HECW1: variants seen among roughly 807,000 people sequenced by gnomAD.
HECW1 encodes the protein HECT, C2 and WW domain containing E3 ubiquitin protein ligase 1, also known as E3 ubiquitin-protein ligase HECW1.
In HECW1, 61 loss-of-function variants were observed where a neutral mutation model predicts 182.3. That is an observed-to-expected ratio of 0.33 (90% CI 0.27 to 0.41). The LOEUF is 0.41. HECW1 is among the 10% of genes least tolerant of loss of function. HECW1 has a pLI of 1.00. For synonymous variants in HECW1, 859 were observed against 832.6 expected (o/e 1.03, Z -0.55); for missense variants, 1,739 against 2,108.9 (o/e 0.82, Z 3.44).
At chr7:43,351,716 A>G (rs1219221026) in intron 5 of HECW1, among the ~76,000 whole-genome samples, 2 of 97,662 alleles carry the variant, frequency 2.0e-5, no homozygotes, top group Non-Finnish European at 4.0e-5. Flanking sequence ...TTGTCTTTGC[A>G]TGTGCTTGGT....
intron 7 of HECW1, among the ~76,000 whole-genome samples, chr7:43,403,740 G>A (rs779598485): frequency 1.3e-5 from 2 of 152,138 alleles, no homozygotes; most frequent in Non-Finnish European, 2.9e-5. Flanking sequence ...TGAATATGCA[G>A]TATGTTCTCA....
Position 43,550,363 on chromosome 7 carries a change from G to A in HECW1, c.4249-82G>A, listed in dbSNP as rs541066379. ...GCCCTGTAGAGGATTTTTGGCATAC[G>A]GTCATCCCCCTAAAATCAGTGTGCC... On this transcript the variant is annotated intron_variant, in intron 26 of 29. Transcript: ENST00000395891. 5.0e-4 allele frequency: 755 copies of A among 1,499,114 alleles called. 2 individuals are homozygous for A. The highest frequency in any genetic ancestry group is 7.8e-4 in the Admixed American group (44 of 56,688). 92.9% of individuals were successfully genotyped at this position (1,499,114 alleles called of 1,614,324 possible).
At chr7:43,319,393 C>CAAAACAAAAAAAAAA (rs1809760140) in intron 4 of HECW1, among the ~76,000 whole-genome samples, 1 of 67,698 alleles carries the variant, frequency 1.5e-5, no homozygotes, top group African/African-American at 4.1e-5. Context: ...GACTCCGTCT[C>CAAAACAAAAAAAAAA]AAAAAAAAAA....
intron 6 of HECW1, among the ~76,000 whole-genome samples, chr7:43,381,013 T>C (rs2074528923): frequency 6.6e-6 from 1 of 152,194 alleles, no homozygotes. Context: ...GATATTGTCT[T>C]TTTATTTTTA....
intron 3 of HECW1, among the ~76,000 whole-genome samples, chr7:43,288,999 C>T (rs1028203248): frequency 6.6e-6 from 1 of 152,254 alleles, no homozygotes; most frequent in East Asian, 1.9e-4. Context: ...GTCTCTTTAA[C>T]TCACCAATTT....
intron 26 of HECW1, among the ~76,000 whole-genome samples, chr7:43,547,105 C>T (rs1000060676): frequency 1.3e-5 from 2 of 152,140 alleles, no homozygotes; most frequent in Admixed American, 6.5e-5. Flanking sequence ...ATTATCAAAC[C>T]GTCCTTTGCT....
At chr7:43,315,105 G>A (rs906900356) in intron 4 of HECW1, among the ~76,000 whole-genome samples, 2 of 152,210 alleles carry the variant, frequency 1.3e-5, no homozygotes, top group African/African-American at 4.8e-5. Context: ...AGCTCTCAAA[G>A]CAAATAGGAC....
At chr7:43,199,563 A>G (rs1434103590) in intron 2 of HECW1, among the ~76,000 whole-genome samples, 2 of 152,166 alleles carry the variant, frequency 1.3e-5, no homozygotes, top group Admixed American at 6.5e-5. Context: ...TCACTATGTC[A>G]TATGTCCTGT....
Position 43,445,270 on chromosome 7 carries a change from GCCTCGTGCTACAGCC to G in HECW1, c.2103_2117del (p.Ser704_Tyr708del). On this transcript the variant is annotated inframe_deletion, in exon 11 of 30. Transcript: ENST00000395891. Reference sequence around the variant, plus strand: ...CTGCTACAGCAGCTCGTGCTACAGCGCCTCGTGCTACAGCCCCTCCTGCTACAACGGCAACAGGTT... The same window carrying G: ...CTGCTACAGCAGCTCGTGCTACAGCGCCTCCTGCTACAACGGCAACAGGTT... The G allele has an allele frequency of 6.2e-7, 1 of 1,612,764 alleles. No individual in the cohort carries two copies. Among genetic ancestry groups the G allele is most frequent in the South Asian group, 1.1e-5 (1 of 91,068 alleles).
At chr7:43,454,821 G>A (rs533169162) in intron 12 of HECW1, among the ~76,000 whole-genome samples, 6 of 152,288 alleles carry the variant, frequency 3.9e-5, no homozygotes, top group African/African-American at 7.2e-5. Flanking sequence ...ACCTACTCCC[G>A]AAAGCTATGG....
intron 2 of HECW1, among the ~76,000 whole-genome samples, chr7:43,236,268 A>G (rs1282855342): frequency 6.6e-6 from 1 of 152,212 alleles, no homozygotes; most frequent in Non-Finnish European, 1.5e-5. Context: ...CTTAATCTAT[A>G]TCATTATTTA....
In HECW1 at chr7:43,127,004, C is replaced by T. The variant is rs546447518; in HGVS notation, c.-32+12613C>T. ...ATATGGAAATTAGGCCAATAAATAA[C>T]TTTACAACAGCCTTTAAGTGTTCAA... On this transcript the variant is annotated intron_variant, in intron 2 of 29. Coordinates refer to ENST00000395891, the MANE Select transcript of HECW1 (RefSeq NM_015052.5). Among the ~76,000 whole-genome samples the T allele has an allele frequency of 2.0e-5, 3 of 152,290 alleles. No individual in the cohort carries two copies. In the South Asian group the frequency reaches 6.2e-4, roughly 32 times the overall value.
At chr7:43,460,744 G>A (rs1310105932) in intron 13 of HECW1, among the ~76,000 whole-genome samples, 1 of 152,172 alleles carries the variant, frequency 6.6e-6, no homozygotes, top group East Asian at 1.9e-4. Context: ...AAGCTCGGGA[G>A]CCTCTGAGGC....
At chr7:43,512,003 G>C (rs926291192) in intron 24 of HECW1, 1 of 209,628 alleles carries the variant, frequency 4.8e-6, no homozygotes, top group Non-Finnish European at 9.7e-6. Flanking sequence ...GATCGCTCAC[G>C]ACTGGTACCA....
At chr7:43,280,432 A>C (rs1803744460) in intron 3 of HECW1, among the ~76,000 whole-genome samples, 2 of 152,238 alleles carry the variant, frequency 1.3e-5, no homozygotes, top group Non-Finnish European at 2.9e-5. Flanking sequence ...CGAGTCACAC[A>C]GCTAGTTAAC....
intron 3 of HECW1, among the ~76,000 whole-genome samples, chr7:43,257,340 T>C (rs1394743207): frequency 6.6e-6 from 1 of 152,196 alleles, no homozygotes; most frequent in Non-Finnish European, 1.5e-5. Flanking sequence ...AAACACAGCA[T>C]TTATATCACA....
chr7:43,554,607 A>T lies in HECW1; in HGVS notation c.4526A>T (p.His1509Leu), dbSNP rs2081960576. The T allele has an allele frequency of 6.2e-7, 1 of 1,612,806 alleles. No homozygotes were observed. Among genetic ancestry groups the T allele is most frequent in the Admixed American group, 1.7e-5 (1 of 59,908 alleles). ...CCTCGTGCAGGTTACCACGATGGGC[A>T]TCTTGTGATCCGCTGGTTCTGGGCT... ...TEYRGGYHDG[H>L]LVIRWFWAAV... Residue 1509 changes from histidine to leucine, a missense_variant, in exon 29 of 30, where the codon CAT (histidine) becomes CTT (leucine). By Grantham distance (99) the His-to-Leu change is moderately conservative. Transcript: ENST00000395891.
intron 2 of HECW1, among the ~76,000 whole-genome samples, chr7:43,156,028 T>C (rs1000113864): frequency 6.6e-6 from 1 of 152,166 alleles, no homozygotes; most frequent in African/African-American, 2.4e-5. Flanking sequence ...GGAAGAAAAT[T>C]AGCACTGCAG....
intron 2 of HECW1, among the ~76,000 whole-genome samples, chr7:43,203,727 G>A (rs1795215868): frequency 6.6e-6 from 1 of 152,174 alleles, no homozygotes; most frequent in Admixed American, 6.5e-5. Flanking sequence ...CAAAATGCTG[G>A]TCACTGGTGG....
Sources: gnomAD v4.1 joint callset for allele counts (sites outside exome capture counted in the v4.1 genomes callset) on GRCh38, gnomAD v4.1.1 for gene constraint, MANE v1.5 for transcripts, NCBI Gene and HGNC (gene_info 2026-07-23, HGNC 2026-07-21) for gene names.